GRID2: variants seen among roughly 807,000 people sequenced by gnomAD.
GRID2 encodes the protein glutamate ionotropic receptor delta type subunit 2, also known as glutamate receptor ionotropic, delta-2.
GRID2 carries 33 observed loss-of-function variants against 114.8 expected under a neutral mutation model. The ratio of observed to expected loss-of-function variants is 0.29; its 90% confidence interval spans 0.22 to 0.38. The LOEUF (loss-of-function observed/expected upper bound fraction) is 0.38, where lower values mean the gene tolerates loss of function less well. Ranked by LOEUF, GRID2 falls within the 10% of genes least tolerant of loss-of-function variation. The probability of loss-of-function intolerance (pLI) is 1.00; values close to 1 mark genes in which losing one functional copy is unlikely to be tolerated. For synonymous variants in GRID2, 505 were observed against 449.9 expected (o/e 1.12, Z -1.55); for missense variants, 1,184 against 1,257.7 (o/e 0.94, Z 0.89).
At chr4:92,882,173 G>T (rs567787196) in intron 2 of GRID2, among the ~76,000 whole-genome samples, 1 of 152,024 alleles carries the variant, frequency 6.6e-6, no homozygotes, top group Non-Finnish European at 1.5e-5. Flanking sequence ...TTTGTCTTTA[G>T]TTCTACTCTT....
chr4:93,373,163 T>A (rs1763085271), intron 8 of GRID2, among the ~76,000 whole-genome samples: 1 of 152,176 alleles, frequency 6.6e-6, no homozygotes, highest in African/African-American at 2.4e-5. Context: ...TGCTGGCCCT[T>A]TAATTTCTCC....
At chr4:93,690,457 A>G (rs1726462490) in intron 14 of GRID2, among the ~76,000 whole-genome samples, 1 of 152,028 alleles carries the variant, frequency 6.6e-6, no homozygotes. Flanking sequence ...CCTAAATTTC[A>G]AATTATGGTC....
At chr4:93,686,357 C>G (rs1726078865) in intron 14 of GRID2, among the ~76,000 whole-genome samples, 2 of 151,954 alleles carry the variant, frequency 1.3e-5, no homozygotes, top group African/African-American at 2.4e-5. Context: ...GTCCCATCAC[C>G]ACTAGCTTCT....
chr4:92,638,977 T>C (rs1403876519), intron 2 of GRID2, among the ~76,000 whole-genome samples: 4 of 151,268 alleles, frequency 2.6e-5, no homozygotes, highest in Non-Finnish European at 5.9e-5. Flanking sequence ...TATGAGGAAA[T>C]TTGCAGTCAT....
chr4:92,662,951 T>C lies in GRID2; in HGVS notation c.244+72665T>C, dbSNP rs1358526822. Among the ~76,000 whole-genome samples the C allele has an allele frequency of 4.0e-5, 6 of 151,232 alleles. No individual in the cohort carries two copies. The South Asian group carries it at 1.2e-3, about 31-fold the overall frequency. ...AATTGTGAAGTCAAAACTAAGAAGTTACTTGCTATTTTAAGTTTGCTAGAG... is the reference window on the plus strand; with the variant it reads ...AATTGTGAAGTCAAAACTAAGAAGTCACTTGCTATTTTAAGTTTGCTAGAG... On this transcript the variant is annotated intron_variant, in intron 2 of 15. Coordinates refer to ENST00000282020, the MANE Select transcript of GRID2 (RefSeq NM_001510.4).
At chr4:93,040,980 A>G (rs919567907) in intron 2 of GRID2, among the ~76,000 whole-genome samples, 65 of 152,128 alleles carry the variant, frequency 4.3e-4, no homozygotes, top group African/African-American at 1.5e-3. Context: ...TCATATGAAA[A>G]CCTGAAACTG....
intron 1 of GRID2, among the ~76,000 whole-genome samples, chr4:92,323,222 T>C (rs769244059): frequency 2.8e-4 from 43 of 152,132 alleles, no homozygotes; most frequent in Non-Finnish European, 4.7e-4. Flanking sequence ...CAGAACTCTA[T>C]TATAAAGTAA....
chr4:93,682,447 C>T lies in GRID2; in HGVS notation c.2360+56012C>T, dbSNP rs1437246504. On this transcript the variant is annotated intron_variant, in intron 14 of 15. Coordinates refer to ENST00000282020, the MANE Select transcript of GRID2 (RefSeq NM_001510.4). ...CATTACTGGGTATATACCCAAAGGA[C>T]TATAAATCATGCTGCTATAAAGACA... is the stretch of plus-strand genomic sequence containing the variant. 7.9e-5 allele frequency among the ~76,000 whole-genome samples: 12 copies of T among 151,396 alleles called. No individual in the cohort carries two copies. The South Asian group carries it at 8.3e-4, about 10-fold the overall frequency.
At chr4:92,470,235 A>G (rs2149094954) in intron 1 of GRID2, among the ~76,000 whole-genome samples, 1 of 152,100 alleles carries the variant, frequency 6.6e-6, no homozygotes, top group South Asian at 2.1e-4. Flanking sequence ...ACTCAATTTG[A>G]GAGAATTTTC....
intron 8 of GRID2, among the ~76,000 whole-genome samples, chr4:93,341,974 T>C (rs1759704811): frequency 6.6e-6 from 1 of 152,232 alleles, no homozygotes; most frequent in Non-Finnish European, 1.5e-5. Flanking sequence ...CTCTCTTATC[T>C]TCTGAATTAT....
intron 14 of GRID2, among the ~76,000 whole-genome samples, chr4:93,754,218 A>G (rs1201393671): frequency 6.6e-6 from 1 of 152,216 alleles, no homozygotes. Flanking sequence ...AAATGTCATT[A>G]TGAGGTACAT....
At chr4:92,573,012 C>G (rs1372500581) in intron 1 of GRID2, among the ~76,000 whole-genome samples, 11 of 151,236 alleles carry the variant, frequency 7.3e-5, no homozygotes, top group African/African-American at 2.4e-4. Flanking sequence ...TCATTATTGC[C>G]CTGTTCAAGC....
chr4:92,694,302 A>C (rs1734323632), intron 2 of GRID2, among the ~76,000 whole-genome samples: 1 of 152,182 alleles, frequency 6.6e-6, no homozygotes, highest in African/African-American at 2.4e-5. Context: ...CAGCTCTTCC[A>C]GGGAGCTAAT....
At chr4:93,317,216 C>A (rs1436393215) in intron 8 of GRID2, among the ~76,000 whole-genome samples, 1 of 151,978 alleles carries the variant, frequency 6.6e-6, no homozygotes, top group African/African-American at 2.4e-5. Context: ...GTGAACTTGG[C>A]ATTTTCAGAT....
At chr4:92,861,981 G>C (rs1744564787) in intron 2 of GRID2, among the ~76,000 whole-genome samples, 1 of 151,846 alleles carries the variant, frequency 6.6e-6, no homozygotes, top group Non-Finnish European at 1.5e-5. Flanking sequence ...TAAGACCCCA[G>C]AATTTTTCTG....
intron 2 of GRID2, among the ~76,000 whole-genome samples, chr4:93,039,297 A>G (rs978889948): frequency 1.4e-4 from 21 of 150,970 alleles, no homozygotes; most frequent in African/African-American, 5.1e-4. Flanking sequence ...GGAGGGGAAC[A>G]TCACACAGCG....
At chr4:92,844,570 A>T (rs927549301) in intron 2 of GRID2, among the ~76,000 whole-genome samples, 2 of 151,448 alleles carry the variant, frequency 1.3e-5, no homozygotes, top group African/African-American at 4.9e-5. Flanking sequence ...ACCTTTAAAT[A>T]CCTATATGTG....
chr4:92,422,891 C>A (rs957985354), intron 1 of GRID2, among the ~76,000 whole-genome samples: 72 of 152,140 alleles, frequency 4.7e-4, no homozygotes, highest in Non-Finnish European at 8.8e-4. Context: ...AAGTTCCCCC[C>A]AAAGTTAGTT....
At chr4:92,337,301 T>A (rs1727238818) in intron 1 of GRID2, among the ~76,000 whole-genome samples, 1 of 152,134 alleles carries the variant, frequency 6.6e-6, no homozygotes, top group Admixed American at 6.5e-5. Flanking sequence ...TTTTAAATTA[T>A]TTTTGTCTAC....
Sources: allele counts gnomAD v4.1 joint callset (sites outside exome capture counted in the v4.1 genomes callset), GRCh38; gene constraint gnomAD v4.1.1; transcripts MANE v1.5; gene names NCBI Gene and HGNC (gene_info 2026-07-23, HGNC 2026-07-21).